The following ODF2L variants were observed in gnomAD, a reference collection of about 807,000 sequenced individuals.
ODF2L encodes the protein protein BCAP.
In ODF2L, 76 loss-of-function variants were observed where a neutral mutation model predicts 86.3. The observed-to-expected ratio is 0.88, with a 90% CI of 0.73 to 1.07. The LOEUF is 1.07. Among genes scored for constraint, ODF2L ranks in the 50% least tolerant of loss-of-function variants. The pLI is 0.00. For missense variants in ODF2L, 748 were observed against 717.4 expected (o/e 1.04, Z -0.49); for synonymous variants, 241 against 231.3 (o/e 1.04, Z -0.38).
At chr1:86,348,732 G>C (rs771118319), downstream of ODF2L, 5 of 1,446,164 alleles carry the variant, frequency 3.5e-6, no homozygotes, top group East Asian at 1.3e-4. Flanking sequence ...ACTACTTAGA[G>C]AAAATAAATT....
chr1:86,357,907 C>T (rs1385302664), intron 13 of ODF2L: 1 of 984,892 alleles, frequency 1.0e-6, no homozygotes, highest in African/African-American at 1.7e-5. Context: ...GACATTTGCA[C>T]TGGTATGTTT....
At chr1:86,353,575 C>A (rs1428353623) in intron 16 of ODF2L, among the ~76,000 whole-genome samples, 5 of 152,022 alleles carry the variant, frequency 3.3e-5, no homozygotes, top group African/African-American at 1.2e-4. Context: ...CTAAGGAAGC[C>A]TATTTGTAAG....
At chr1:86,382,991 C>T (rs1239968170) in exon 6 of ODF2L, 3 of 1,538,452 alleles carry the variant, frequency 2.0e-6, no homozygotes, top group African/African-American at 2.7e-5. Context: ...CAAATACCTT[C>T]TTCTTAAGAT....
intron 1 of ODF2L, among the ~76,000 whole-genome samples, chr1:86,388,495 C>G (rs1661096535): frequency 6.6e-6 from 1 of 151,938 alleles, no homozygotes; most frequent in African/African-American, 2.4e-5. Context: ...CACCTACAAG[C>G]CTTGTAAAAG....
Position 86,370,900 on chromosome 1 carries a change from A to G in ODF2L, c.1056+118T>C, listed in dbSNP as rs1449919986. On this transcript the variant is annotated intron_variant, in intron 10 of 17. Coordinates refer to ENST00000317336, the Ensembl canonical transcript of ODF2L. Reference sequence around the variant, plus strand: ...GAAAACATAATATCCTGACAAGCATAGAAGACAGAATTATACAAGAGCACT... The same window carrying G: ...GAAAACATAATATCCTGACAAGCATGGAAGACAGAATTATACAAGAGCACT... The G allele has an allele frequency of 5.5e-6, 3 of 548,168 alleles. No individual in the cohort carries two copies. The Admixed American group carries it at 9.8e-5, about 18-fold the overall frequency. 34.0% of individuals were successfully genotyped at this position (548,168 alleles called of 1,614,324 possible). A position where few individuals can be genotyped will look rare whatever the true frequency, so the allele number is the denominator to read the frequency against.
intron 1 of ODF2L, among the ~76,000 whole-genome samples, chr1:86,389,889 T>C (rs1661196514): frequency 6.6e-6 from 1 of 152,102 alleles, no homozygotes; most frequent in South Asian, 2.1e-4. Flanking sequence ...TGCAATGGTA[T>C]TTTAAAAATT....
intron 1 of ODF2L, among the ~76,000 whole-genome samples, chr1:86,395,519 G>A (rs1174273948): frequency 1.3e-5 from 2 of 152,082 alleles, no homozygotes; most frequent in Non-Finnish European, 2.9e-5. Context: ...CACTCTCCAC[G>A]ACCCTAGGTC....
rs1051834680 is a variant in ODF2L at position 86,355,142 on chromosome 1, G to T, written c.1519-283C>A. On this transcript the variant is annotated intron_variant, in intron 14 of 17. Transcript: ENST00000317336. ...TTTGAACAACACCTTATTGAAGAAA[G>T]ATATTTATTTTGTTAAGTTGAAATA... 9 of 536,526 alleles carry T rather than the reference G, an allele frequency of 1.7e-5. No homozygotes were observed. In the African/African-American group the frequency reaches 1.7e-4, roughly 10 times the overall value. The allele number at this position is 536,526 out of a possible 1,614,324, so 33.2% of individuals were successfully genotyped here. A position where few individuals can be genotyped will look rare whatever the true frequency, so the allele number is the denominator to read the frequency against.
intron 8 of ODF2L, 45 bp downstream of exon 8, chr1:86,376,188 G>T (rs761905642): frequency 2.8e-6 from 3 of 1,061,244 alleles, no homozygotes; most frequent in Non-Finnish European, 4.2e-6. Context: ...TATAAACTAC[G>T]TACATAATAG....
intron 11 of ODF2L, among the ~76,000 whole-genome samples, chr1:86,366,391 TACACAC>T (rs71643841): frequency 0.029 from 3,487 of 119,320 alleles, 121 homozygotes; most frequent in African/African-American, 0.083. Context: ...AGACCCCACC[TACACAC>T]ACACACACAC....
At chr1:86,360,637 A>G (rs1423840481) in intron 11 of ODF2L, 101 bp from the exon 11 acceptor site, 2 of 532,876 alleles carry the variant, frequency 3.8e-6, no homozygotes, top group East Asian at 3.2e-5. Context: ...AACAAAGTTG[A>G]TAAAATAATT....
At chr1:86,349,636 A>T (rs272493), downstream of ODF2L, 1 of 152,084 alleles carries the variant, frequency 6.6e-6, no homozygotes, top group African/African-American at 2.4e-5. Context: ...GATGAATACA[A>T]TGAGTTTTAC....
intron 7 of ODF2L, among the ~76,000 whole-genome samples, chr1:86,380,401 C>T (rs1042850825): frequency 2.0e-5 from 3 of 152,132 alleles, no homozygotes; most frequent in East Asian, 3.9e-4. Context: ...TACAGTAAGT[C>T]GACATAAGAC....
intron 3 of ODF2L, 147 bp downstream of exon 3, chr1:86,385,311 A>G (rs1306115970): frequency 1.9e-6 from 1 of 518,868 alleles, no homozygotes; most frequent in Non-Finnish European, 3.4e-6. Flanking sequence ...AGTTAATGAC[A>G]CAGGAATAAA....
intron 7 of ODF2L, 48 bp downstream of exon 7, chr1:86,382,194 T>A (rs887731795): frequency 4.6e-6 from 7 of 1,511,718 alleles, no homozygotes; most frequent in Non-Finnish European, 6.2e-6. Flanking sequence ...GGCCTTTCAT[T>A]AATTTTATCA....
intron 7 of ODF2L, among the ~76,000 whole-genome samples, chr1:86,381,604 T>C (rs1164048280): frequency 2.0e-5 from 3 of 151,970 alleles, no homozygotes; most frequent in African/African-American, 7.2e-5. Flanking sequence ...ATTGCTTCTT[T>C]GCCTTTGGCG....
downstream of ODF2L, chr1:86,348,645 C>G: frequency 9.6e-7 from 1 of 1,038,452 alleles, no homozygotes; most frequent in South Asian, 2.7e-5. Flanking sequence ...AATACTACCA[C>G]TCATAAATCA....
At position 86,354,575 on chromosome 1, in the gene ODF2L, T is replaced by C. The variant is rs758413487; in HGVS notation, c.1722A>G (p.Ala574=). 9.9e-6 allele frequency: 16 copies of C among 1,609,262 alleles called. No individual in the cohort carries two copies. In the Admixed American group the frequency reaches 1.8e-4, roughly 18 times the overall value. ...AAGCAGCTTCCAGTTGTCTGGCCAA[T>C]GCTGTATACTCTGCAGATTTCTCTT... The change falls in exon 16 of 18, where the codon GCA becomes GCG. Residue 574 remains alanine (A), a synonymous_variant. Transcript: ENST00000317336.
intron 11 of ODF2L, among the ~76,000 whole-genome samples, chr1:86,362,500 A>G (rs932675570): frequency 2.0e-5 from 3 of 151,814 alleles, no homozygotes; most frequent in Non-Finnish European, 2.9e-5. Flanking sequence ...TATGTTGCCC[A>G]GAGTGAGCTC....
Sources: gnomAD v4.1 joint callset for allele counts (sites outside exome capture counted in the v4.1 genomes callset) on GRCh38, gnomAD v4.1.1 for gene constraint, MANE v1.5 for transcripts, NCBI Gene and HGNC (gene_info 2026-07-23, HGNC 2026-07-21) for gene names.